Variants in RABGEF1 observed in about 807,000 individuals in gnomAD.
RABGEF1 encodes the protein rab5 GDP/GTP exchange factor.
A neutral mutation model predicts 57.3 loss-of-function variants in RABGEF1; 26 were observed. That is an observed-to-expected ratio of 0.45 (90% CI 0.33 to 0.63). The LOEUF (loss-of-function observed/expected upper bound fraction) is 0.63, where lower values mean the gene tolerates loss of function less well. Ranked by LOEUF, RABGEF1 falls within the 20% of genes least tolerant of loss-of-function variation. RABGEF1 has a pLI of 0.02. For synonymous variants in RABGEF1, 185 were observed against 210.7 expected (o/e 0.88, Z 1.06); for missense variants, 464 against 607.6 (o/e 0.76, Z 2.48).
chr7:66,668,268 T>G, the RABGEF1 span, among the ~76,000 whole-genome samples: 1 of 152,160 alleles, frequency 6.6e-6, no homozygotes, highest in South Asian at 2.1e-4. Context: ...ATTGTTTAAT[T>G]TTTTTGTTTT....
At chr7:66,715,666 T>C (rs1795307645) in intron 2 of RABGEF1, among the ~76,000 whole-genome samples, 2 of 152,250 alleles carry the variant, frequency 1.3e-5, no homozygotes, top group Admixed American at 6.5e-5. Flanking sequence ...TCAGAAAGCA[T>C]CGTTTATATA....
rs183528718 is a variant in RABGEF1 at position 66,722,217 on chromosome 7, G to T, written c.-815+9993G>T. 1.8e-4 allele frequency among the ~76,000 whole-genome samples: 28 copies of T among 152,088 alleles called. No individual in the cohort carries two copies. In the East Asian group the frequency reaches 4.9e-3, roughly 26 times the overall value. ...AGCACTCTGGGGGGCTGTGGTGGGT[G>T]GGTCATGAGGTCAAGAGTTCGAGAC... is the stretch of plus-strand genomic sequence containing the variant. On this transcript the variant is annotated intron_variant and NMD_transcript_variant, in intron 2 of 9. Transcript: ENST00000607882.
At chr7:66,789,721 A>G (rs1812144772) in intron 4 of RABGEF1, among the ~76,000 whole-genome samples, 1 of 149,798 alleles carries the variant, frequency 6.7e-6, no homozygotes. Flanking sequence ...TGTATTTGAT[A>G]ATTATGTTGA....
At chr7:66,741,405 C>T (rs1798912071) in intron 1 of RABGEF1, among the ~76,000 whole-genome samples, 1 of 152,230 alleles carries the variant, frequency 6.6e-6, no homozygotes, top group Non-Finnish European at 1.5e-5. Context: ...GCAGAAGTCC[C>T]TGCTTCCGAA....
At chr7:66,775,756 G>C (rs1188887014) in intron 3 of RABGEF1, among the ~76,000 whole-genome samples, 1 of 152,090 alleles carries the variant, frequency 6.6e-6, no homozygotes, top group Non-Finnish European at 1.5e-5. Flanking sequence ...TTCATAGCTT[G>C]TCAGAAATGG....
intron 1 of RABGEF1, among the ~76,000 whole-genome samples, chr7:66,754,483 C>T: frequency 6.6e-6 from 1 of 151,978 alleles, no homozygotes; most frequent in Non-Finnish European, 1.5e-5. Context: ...GGGGCTTATA[C>T]CCGTAATCCC....
At position 66,732,727 on chromosome 7, in the gene RABGEF1, C is replaced by T. The variant is rs1797474258; in HGVS notation, c.-814-7269C>T. ...TCTCTCTCGCTCACTCTCTCTCGCT[C>T]TCTCTCTCTTGCTGTCTCTCTCGCT... On this transcript the variant is annotated intron_variant and NMD_transcript_variant, in intron 2 of 9. Coordinates refer to the RABGEF1 transcript ENST00000607882. 2.7e-5 allele frequency among the ~76,000 whole-genome samples: 4 copies of T among 149,974 alleles called. No homozygotes were observed. In the South Asian group the frequency reaches 8.5e-4, roughly 32 times the overall value.
chr7:66,686,448 C>A (rs985159558), intron 1 of RABGEF1, among the ~76,000 whole-genome samples: 4 of 152,108 alleles, frequency 2.6e-5, no homozygotes, highest in South Asian at 2.1e-4. Context: ...CTACAGCCTG[C>A]GTGACAGAGT....
chr7:66,658,315 C>G, the RABGEF1 span, among the ~76,000 whole-genome samples: 1 of 152,092 alleles, frequency 6.6e-6, no homozygotes, highest in South Asian at 2.1e-4. Flanking sequence ...GGCGGATCAC[C>G]TGAGATCAGG....
intron 1 of RABGEF1, among the ~76,000 whole-genome samples, chr7:66,697,684 G>C (rs1459724654): frequency 6.6e-6 from 1 of 152,142 alleles, no homozygotes; most frequent in Non-Finnish European, 1.5e-5. Context: ...AGCTGGGGCT[G>C]GGGGAGGCGC....
chr7:66,772,466 T>C (rs1251207417), intron 2 of RABGEF1, among the ~76,000 whole-genome samples: 1 of 152,216 alleles, frequency 6.6e-6, no homozygotes, highest in African/African-American at 2.4e-5. Context: ...TCTTTTAATA[T>C]ATATTTAGCA....
At chr7:66,797,569 G>A (rs2129175951) in intron 6 of RABGEF1, 63 bp downstream of exon 6, 12 of 1,532,760 alleles carry the variant, frequency 7.8e-6, no homozygotes, top group African/African-American at 1.4e-5. Flanking sequence ...ACACTGGGGG[G>A]AAAATAATGC....
chr7:66,766,627 G>T lies in RABGEF1; in HGVS notation c.-17-5256G>T, dbSNP rs923977838. Among the ~76,000 whole-genome samples, 14 of 152,216 alleles carry T rather than the reference G, an allele frequency of 9.2e-5. 1 individual carries two copies. The South Asian group carries it at 1.7e-3, about 18-fold the overall frequency. The stretch of plus-strand genomic sequence containing the variant: ...TTTCTAATTAGATTTCCCTCTCTCT[G>T]TCAAGTCTCATTAAATAACTATTAA... On this transcript the variant is annotated intron_variant, in intron 1 of 8. Coordinates refer to ENST00000284957, the MANE Select transcript of RABGEF1 (RefSeq NM_014504.3).
At chr7:66,789,582 T>C (rs1812077949) in intron 4 of RABGEF1, among the ~76,000 whole-genome samples, 1 of 146,506 alleles carries the variant, frequency 6.8e-6, no homozygotes, top group Non-Finnish European at 1.5e-5. Context: ...GCTTGGGAGG[T>C]TGAGGCAGGA....
At chr7:66,717,159 AT>A (rs1444489153) in intron 2 of RABGEF1, among the ~76,000 whole-genome samples, 1 of 152,038 alleles carries the variant, frequency 6.6e-6, no homozygotes, top group Non-Finnish European at 1.5e-5. Context: ...TTCAATTTTA[AT>A]TTATCAATTG....
At chr7:66,738,018 T>TTG (rs1554311627), upstream of RABGEF1, among the ~76,000 whole-genome samples, 2 of 133,176 alleles carry the variant, frequency 1.5e-5, no homozygotes, top group Non-Finnish European at 1.7e-5. Context: ...TTTTTTGTTT[T>TTG]TTTTGTTTTT....
the RABGEF1 span, among the ~76,000 whole-genome samples, chr7:66,662,525 C>T: frequency 1.3e-5 from 2 of 152,194 alleles, no homozygotes; most frequent in African/African-American, 4.8e-5. Context: ...TGACATCAAC[C>T]CCATGGATCT....
chr7:66,797,581 C>T (rs1218658424), intron 6 of RABGEF1, 75 bp downstream of exon 6: 6 of 1,498,214 alleles, frequency 4.0e-6, no homozygotes, highest in South Asian at 3.7e-5. Flanking sequence ...AAATAATGCA[C>T]CTGTGTTTCA....
At chr7:66,733,525 C>G (rs762369569) in intron 2 of RABGEF1, among the ~76,000 whole-genome samples, 4 of 152,050 alleles carry the variant, frequency 2.6e-5, no homozygotes, top group African/African-American at 9.7e-5. Flanking sequence ...GGTGAAACCC[C>G]CATCTCTACT....
Sources: gnomAD v4.1 joint callset for allele counts (sites outside exome capture counted in the v4.1 genomes callset) on GRCh38, gnomAD v4.1.1 for gene constraint, MANE v1.5 for transcripts, NCBI Gene and HGNC (gene_info 2026-07-23, HGNC 2026-07-21) for gene names.